Variants in SPIDR observed in about 807,000 individuals in gnomAD.
The protein encoded by SPIDR is DNA repair-scaffolding protein.
SPIDR carries 93 observed loss-of-function variants against 104.6 expected under a neutral mutation model. The ratio of observed to expected loss-of-function variants is 0.89; its 90% confidence interval spans 0.75 to 1.06. The LOEUF (loss-of-function observed/expected upper bound fraction) is 1.06. Among genes scored for constraint, SPIDR ranks in the 50% least tolerant of loss-of-function variants. The pLI is 0.00. For synonymous variants in SPIDR, 431 were observed against 416.9 expected, an observed-to-expected ratio of 1.03 and a Z score of -0.41; for missense variants, 1,154 against 1,111.2, an observed-to-expected ratio of 1.04 and a Z score of -0.55.
chr8:47,720,234 T>C lies in SPIDR; in HGVS notation c.2341+6593T>C, dbSNP rs188411756. On this transcript the variant is annotated intron_variant, in intron 16 of 19. Coordinates refer to ENST00000297423, the MANE Select transcript of SPIDR (RefSeq NM_001080394.4). ...TGAATAGTATTCCATTGCATGGATG[T>C]ACCACAGTTTTCTGGTTTGCTTCCA... Among the ~76,000 whole-genome samples, 25 of 152,384 alleles carry C rather than the reference T, an allele frequency of 1.6e-4. No homozygotes were observed. In the East Asian group the frequency reaches 3.9e-3, roughly 24 times the overall value.
At chr8:47,443,592 C>T (rs797038599) in intron 8 of SPIDR, among the ~76,000 whole-genome samples, 1 of 118,552 alleles carries the variant, frequency 8.4e-6, no homozygotes, top group Admixed American at 8.0e-5. Flanking sequence ...AAAAAAAAAA[C>T]ACCTCATACT....
chr8:47,644,925 T>C (rs1374821797), intron 10 of SPIDR, among the ~76,000 whole-genome samples: 1 of 152,114 alleles, frequency 6.6e-6, no homozygotes, highest in Non-Finnish European at 1.5e-5. Context: ...CACCAGCTAT[T>C]GCAAAGAAAA....
intron 8 of SPIDR, among the ~76,000 whole-genome samples, chr8:47,590,073 C>CT (rs1309291425): frequency 6.6e-6 from 1 of 151,464 alleles, no homozygotes; most frequent in African/African-American, 2.4e-5. Context: ...ACTCAGGAGG[C>CT]TGAGGCAGGA....
chr8:47,533,778 C>T (rs1473840264), intron 8 of SPIDR, among the ~76,000 whole-genome samples: 4 of 152,114 alleles, frequency 2.6e-5, no homozygotes, highest in Admixed American at 1.3e-4. Context: ...CAGTTGCTGG[C>T]GAGGCTGCAG....
chr8:47,646,307 G>T (rs998299620), intron 10 of SPIDR, among the ~76,000 whole-genome samples: 3 of 152,038 alleles, frequency 2.0e-5, no homozygotes, highest in African/African-American at 7.2e-5. Flanking sequence ...TCCTTTGGTG[G>T]AGGGAGAGTA....
chr8:47,331,897 G>A (rs2048726424), intron 5 of SPIDR, among the ~76,000 whole-genome samples: 2 of 146,630 alleles, frequency 1.4e-5, no homozygotes, highest in South Asian at 4.3e-4. Context: ...GTCCAGGCTG[G>A]AGTGCAGTGG....
intron 10 of SPIDR, among the ~76,000 whole-genome samples, chr8:47,604,709 A>G (rs1174616078): frequency 1.3e-5 from 2 of 152,192 alleles, no homozygotes; most frequent in African/African-American, 4.8e-5. Context: ...TAGTTGAAGG[A>G]TGTTCCCATT....
intron 16 of SPIDR, among the ~76,000 whole-genome samples, chr8:47,715,243 C>T (rs2082407705): frequency 6.6e-6 from 1 of 152,092 alleles, no homozygotes; most frequent in African/African-American, 2.4e-5. Flanking sequence ...GTGGTGTGAT[C>T]TCTGCTCACT....
At chr8:47,274,864 G>A (rs1047428947) in intron 1 of SPIDR, among the ~76,000 whole-genome samples, 4 of 151,328 alleles carry the variant, frequency 2.6e-5, no homozygotes, top group South Asian at 4.2e-4. Context: ...ATGAGCCACC[G>A]CGCCCGGCCT....
chr8:47,380,919 G>A (rs1444098697), intron 5 of SPIDR, among the ~76,000 whole-genome samples: 4 of 152,142 alleles, frequency 2.6e-5, no homozygotes, highest in Admixed American at 2.6e-4. Context: ...TCTCTTATTG[G>A]TGGCTTAAGC....
chr8:47,285,939 G>A (rs1247354637), intron 3 of SPIDR, among the ~76,000 whole-genome samples: 4 of 152,138 alleles, frequency 2.6e-5, no homozygotes, highest in Non-Finnish European at 4.4e-5. Context: ...GGTTCCATTG[G>A]AATGAGCCTT....
chr8:47,373,497 T>C (rs2058295969), intron 5 of SPIDR, among the ~76,000 whole-genome samples: 2 of 152,106 alleles, frequency 1.3e-5, no homozygotes, highest in African/African-American at 4.8e-5. Context: ...TTTTTCTTTT[T>C]TTTTTAATTT....
intron 8 of SPIDR, among the ~76,000 whole-genome samples, chr8:47,472,196 C>T (rs1365858165): frequency 6.6e-6 from 1 of 152,260 alleles, no homozygotes; most frequent in Non-Finnish European, 1.5e-5. Flanking sequence ...TTGAACAAAG[C>T]TGTAGCTTGT....
chr8:47,474,557 C>G (rs1427162240), intron 8 of SPIDR, among the ~76,000 whole-genome samples: 2 of 152,166 alleles, frequency 1.3e-5, no homozygotes, highest in Non-Finnish European at 2.9e-5. Flanking sequence ...GATCTGTGAA[C>G]TGGTCAGGCT....
intron 8 of SPIDR, among the ~76,000 whole-genome samples, chr8:47,545,687 G>C: frequency 6.6e-6 from 1 of 152,072 alleles, no homozygotes; most frequent in Middle Eastern, 3.2e-3. Context: ...GCAGAAGTGA[G>C]AATAGACATT....
chr8:47,302,901 A>G (rs1342343810), intron 5 of SPIDR, among the ~76,000 whole-genome samples: 14 of 152,198 alleles, frequency 9.2e-5, no homozygotes, highest in African/African-American at 3.4e-4. Context: ...TCAGGGACCC[A>G]CTTGAGGAGG....
At chr8:47,412,483 T>G (rs1449788914) in intron 7 of SPIDR, among the ~76,000 whole-genome samples, 1 of 152,196 alleles carries the variant, frequency 6.6e-6, no homozygotes, top group Non-Finnish European at 1.5e-5. Context: ...AAAAGAATGC[T>G]TTCTTTCCAA....
rs527732741 is a variant in SPIDR at position 47,395,999 on chromosome 8, T to C, written c.526-377T>C. Among the ~76,000 whole-genome samples the C allele has an allele frequency of 7.2e-5, 11 of 152,366 alleles. 1 individual carries two copies. The highest frequency in any genetic ancestry group is 2.2e-4 in the African/African-American group (9 of 41,586). On this transcript the variant is annotated intron_variant, in intron 5 of 19. Transcript: ENST00000297423. ...TAAATTTCAAAATCCAAGAAATACT[T>C]TCTTTCCAGTAGCTGTCAGATTGTA...
intron 5 of SPIDR, among the ~76,000 whole-genome samples, chr8:47,339,997 G>T (rs2050441412): frequency 6.6e-6 from 1 of 152,022 alleles, no homozygotes; most frequent in Non-Finnish European, 1.5e-5. Flanking sequence ...TTCTTCTATT[G>T]CTGCTTTCAT....
Sources: allele counts gnomAD v4.1 joint callset (sites outside exome capture counted in the v4.1 genomes callset), GRCh38; gene constraint gnomAD v4.1.1; transcripts MANE v1.5; gene names NCBI Gene and HGNC (gene_info 2026-07-23, HGNC 2026-07-21).